Variants in KCNIP4 observed in about 807,000 individuals in gnomAD.
KCNIP4 encodes the protein Kv channel-interacting protein 4.
KCNIP4 carries 12 observed loss-of-function variants against 34.0 expected under a neutral mutation model. The ratio of observed to expected loss-of-function variants is 0.35; its 90% CI spans 0.23 to 0.57. The LOEUF is 0.57. Ranked by LOEUF, KCNIP4 falls within the 20% of genes least tolerant of loss-of-function variation. KCNIP4 has a pLI of 0.83. For missense variants in KCNIP4, 238 were observed against 311.7 expected (o/e 0.76, Z 1.78); for synonymous variants, 124 against 102.2 (o/e 1.21, Z -1.29).
At chr4:21,800,597 CA>C (rs1343656835) in intron 1 of KCNIP4, among the ~76,000 whole-genome samples, 3 of 152,118 alleles carry the variant, frequency 2.0e-5, no homozygotes, top group Non-Finnish European at 4.4e-5. Flanking sequence ...GACAACAACC[CA>C]CTCCCCAATC....
chr4:21,397,853 A>G (rs1361862623), intron 1 of KCNIP4, among the ~76,000 whole-genome samples: 1 of 151,908 alleles, frequency 6.6e-6, no homozygotes, highest in Non-Finnish European at 1.5e-5. Context: ...AAGGGATTGA[A>G]GATGGGTGAT....
intron 1 of KCNIP4, among the ~76,000 whole-genome samples, chr4:21,180,478 TA>T (rs1560786903): frequency 6.6e-6 from 1 of 151,862 alleles, no homozygotes; most frequent in Non-Finnish European, 1.5e-5. Context: ...TGCCAATAAG[TA>T]AAAAGTAAAT....
intron 1 of KCNIP4, among the ~76,000 whole-genome samples, chr4:21,337,077 G>C (rs191471864): frequency 3.9e-5 from 6 of 152,030 alleles, no homozygotes; most frequent in African/African-American, 9.7e-5. Flanking sequence ...AAAGAAGACA[G>C]TGAAGGGAGA....
intron 1 of KCNIP4, among the ~76,000 whole-genome samples, chr4:20,948,002 C>T (rs1732373624): frequency 1.3e-5 from 2 of 152,290 alleles, no homozygotes; most frequent in South Asian, 4.1e-4. Flanking sequence ...TAAACTCTTG[C>T]CTTTTCTCTT....
intron 1 of KCNIP4, among the ~76,000 whole-genome samples, chr4:20,931,604 T>C (rs1228278975): frequency 6.6e-6 from 1 of 152,086 alleles, no homozygotes; most frequent in Non-Finnish European, 1.5e-5. Context: ...AGAAAATGTA[T>C]GGTAAAAATG....
intron 1 of KCNIP4, among the ~76,000 whole-genome samples, chr4:21,269,442 A>G (rs1225017139): frequency 1.3e-5 from 2 of 151,962 alleles, no homozygotes; most frequent in Non-Finnish European, 2.9e-5. Context: ...GTCTCAGTCC[A>G]ATGTCCAGGT....
At chr4:21,648,681 T>C (rs1747225983) in intron 1 of KCNIP4, among the ~76,000 whole-genome samples, 1 of 152,200 alleles carries the variant, frequency 6.6e-6, no homozygotes, top group Non-Finnish European at 1.5e-5. Flanking sequence ...TGCCAAAATT[T>C]TCATTCACAT....
At chr4:21,183,701 C>T (rs562314780) in intron 1 of KCNIP4, among the ~76,000 whole-genome samples, 12 of 152,104 alleles carry the variant, frequency 7.9e-5, no homozygotes, top group Middle Eastern at 3.4e-3. Flanking sequence ...TTGTTCCCCC[C>T]CATTCTTGTT....
At chr4:20,830,453 CTTCTGCATGTTCTTATGGGAATCCTAGA>C (rs1718281732) in intron 3 of KCNIP4, among the ~76,000 whole-genome samples, 1 of 152,002 alleles carries the variant, frequency 6.6e-6, no homozygotes, top group Admixed American at 6.6e-5. Context: ...TTTCTTATAC[CTTCTGCATGTTCTTATGGGAATCCTAGA>C]TTCTGCATGT....
intron 1 of KCNIP4, among the ~76,000 whole-genome samples, chr4:21,339,821 G>A (rs189294318): frequency 6.6e-6 from 1 of 152,278 alleles, no homozygotes; most frequent in Admixed American, 6.5e-5. Flanking sequence ...GAATATCTCT[G>A]AGAAAATATT....
chr4:21,780,073 G>T (rs1206525547), intron 1 of KCNIP4, among the ~76,000 whole-genome samples: 1 of 152,244 alleles, frequency 6.6e-6, no homozygotes, highest in East Asian at 1.9e-4. Flanking sequence ...GCCTCCAGAT[G>T]AAGATAGTGG....
intron 1 of KCNIP4, chr4:21,844,915 G>T (rs907586311): frequency 2.9e-4 from 44 of 151,092 alleles, no homozygotes; most frequent in African/African-American, 1.0e-3. Flanking sequence ...GGCTGAGAAA[G>T]GTTGTATAAC....
At chr4:21,541,180 C>CAAAAAAAAA (rs60459395) in intron 1 of KCNIP4, among the ~76,000 whole-genome samples, 55 of 107,478 alleles carry the variant, frequency 5.1e-4, no homozygotes, top group Non-Finnish European at 6.8e-4. Flanking sequence ...CAAAAGAAAA[C>CAAAAAAAAA]AAAAAAAAAA....
chr4:20,821,714 T>C (rs866385549), intron 3 of KCNIP4, among the ~76,000 whole-genome samples: 36 of 152,254 alleles, frequency 2.4e-4, no homozygotes, highest in Middle Eastern at 3.4e-3. Flanking sequence ...CTCCCATTTA[T>C]AAGTGAGAAC....
In KCNIP4 at chr4:21,441,308, AT is replaced by A. The variant is rs1205499979; in HGVS notation, c.61+507262del. Among the ~76,000 whole-genome samples the A allele has an allele frequency of 8.1e-5, 12 of 148,548 alleles. 1 individual carries two copies. The highest frequency in any genetic ancestry group is 4.0e-4 in the Admixed American group (6 of 14,894). ...AGGTGCCCACCACCACGCCCGGCTA[AT>A]TTTTTTTTTATTTTTAGTAGAGACA... On this transcript the variant is annotated intron_variant, in intron 1 of 8. Coordinates refer to ENST00000382152, the MANE Select transcript of KCNIP4 (RefSeq NM_025221.6).
intron 1 of KCNIP4, among the ~76,000 whole-genome samples, chr4:21,651,615 A>G (rs1245013631): frequency 6.6e-6 from 1 of 152,240 alleles, no homozygotes; most frequent in African/African-American, 2.4e-5. Context: ...ATGCTGAATG[A>G]CTCAAAAGGG....
intron 4 of KCNIP4, among the ~76,000 whole-genome samples, chr4:20,752,055 GTTTT>G (rs33912651): frequency 2.5e-5 from 3 of 121,670 alleles, no homozygotes; most frequent in South Asian, 5.9e-4. Context: ...ACTTCATAGA[GTTTT>G]TTTTTTTTTT....
chr4:21,645,016 T>C (rs962823895), intron 1 of KCNIP4, among the ~76,000 whole-genome samples: 1 of 152,188 alleles, frequency 6.6e-6, no homozygotes, highest in Non-Finnish European at 1.5e-5. Context: ...TGAACATTAC[T>C]ATTTGCCAGA....
chr4:21,266,935 G>A (rs571246210), intron 1 of KCNIP4, among the ~76,000 whole-genome samples: 13 of 152,264 alleles, frequency 8.5e-5, no homozygotes, highest in Admixed American at 3.3e-4. Context: ...CAAGTGAAAC[G>A]TGGTTAGCTA....
Sources: gnomAD v4.1 joint callset for allele counts (sites outside exome capture counted in the v4.1 genomes callset) on GRCh38, gnomAD v4.1.1 for gene constraint, MANE v1.5 for transcripts, NCBI Gene and HGNC (gene_info 2026-07-23, HGNC 2026-07-21) for gene names.